Variants in ULK4 observed in about 807,000 individuals in gnomAD.
ULK4 encodes the protein unc-51 like kinase 4.
ULK4 carries 133 observed loss-of-function variants against 160.6 expected under a neutral mutation model. That is an observed-to-expected ratio of 0.83 (90% CI 0.72 to 0.96). The LOEUF is 0.96. ULK4 is among the 40% of genes least tolerant of loss of function. The pLI is 0.00. For synonymous variants in ULK4, 534 were observed against 539.8 expected (o/e 0.99, Z 0.15); for missense variants, 1,580 against 1,499.5 (o/e 1.05, Z -0.89).
intron 32 of ULK4, among the ~76,000 whole-genome samples, chr3:41,465,316 C>T (rs1227169718): frequency 1.3e-5 from 2 of 152,158 alleles, no homozygotes; most frequent in South Asian, 4.1e-4. Context: ...TCTATTTTAC[C>T]TGTCTTTTGA....
intron 20 of ULK4, 99 bp downstream of exon 20, chr3:41,800,033 C>G: frequency 8.6e-7 from 1 of 1,156,646 alleles, no homozygotes; most frequent in Non-Finnish European, 1.2e-6. Context: ...ATTTCAGTTT[C>G]CTATCTATTA....
chr3:41,364,956 G>A (rs1407156479), intron 35 of ULK4, among the ~76,000 whole-genome samples: 1 of 152,174 alleles, frequency 6.6e-6, no homozygotes, highest in Non-Finnish European at 1.5e-5. Flanking sequence ...GATTCTGCAG[G>A]CAAGGGGTGG....
Position 41,690,799 on chromosome 3 carries a change from T to C in ULK4, c.2782-8995A>G, listed in dbSNP as rs567451359. Reference sequence around the variant, plus strand: ...ATGTTTCCAGGTAACTGCTTTTCTGTCTTCAACCAGACCACCTTTCCAGGA... The same window carrying C: ...ATGTTTCCAGGTAACTGCTTTTCTGCCTTCAACCAGACCACCTTTCCAGGA... On this transcript the variant is annotated intron_variant, in intron 27 of 36. Transcript: ENST00000301831. Among the ~76,000 whole-genome samples the C allele has an allele frequency of 3.9e-5, 6 of 151,962 alleles. No individual in the cohort carries two copies. The South Asian group carries it at 1.2e-3, about 32-fold the overall frequency.
chr3:41,715,449 G>A lies in ULK4; in HGVS notation c.2575C>T (p.Gln859Ter). The A allele has an allele frequency of 6.2e-7, 1 of 1,614,156 alleles. No individual in the cohort carries two copies. The highest frequency in any genetic ancestry group is 1.1e-5 in the South Asian group (1 of 91,080). The change falls in exon 24 of 37, where the codon CAG (glutamine) becomes TAG (stop). Residue 859 changes from glutamine (Q) to a stop codon, truncating the protein, a stop_gained and splice_region_variant. Coordinates refer to ENST00000301831, the MANE Select transcript of ULK4 (RefSeq NM_017886.4). LOFTEE classifies it high-confidence loss of function. ...TTTCCTCCTCAATACAATAGTACCT[G>A]TGAAGTTACGAGGTGAAGCACTACA... ...MPVVLHLVTS[Q>*]VFRPQVVTEE...
chr3:41,527,627 TA>T (rs2086165744), intron 32 of ULK4, among the ~76,000 whole-genome samples: 1 of 152,230 alleles, frequency 6.6e-6, no homozygotes, highest in Non-Finnish European at 1.5e-5. Context: ...CCTAATTCTT[TA>T]ATACTAAACA....
intron 35 of ULK4, chr3:41,277,690 G>C (rs2079253279): frequency 6.6e-6 from 1 of 152,172 alleles, no homozygotes; most frequent in African/African-American, 2.4e-5. Flanking sequence ...ACTGGAACAA[G>C]ACAAGGAGGC....
chr3:41,875,134 G>A (rs912727285), intron 17 of ULK4, among the ~76,000 whole-genome samples: 5 of 152,284 alleles, frequency 3.3e-5, no homozygotes, highest in African/African-American at 4.8e-5. Flanking sequence ...AGCCATGATC[G>A]TGCTACTGCA....
intron 2 of ULK4, among the ~76,000 whole-genome samples, chr3:41,940,237 C>G (rs533862608): frequency 1.6e-4 from 24 of 152,212 alleles, no homozygotes; most frequent in African/African-American, 5.5e-4. Flanking sequence ...CTCCAGAGGT[C>G]TGTTTTCCCA....
chr3:41,641,394 C>T (rs1178541747), intron 30 of ULK4, among the ~76,000 whole-genome samples: 1 of 152,122 alleles, frequency 6.6e-6, no homozygotes, highest in African/African-American at 2.4e-5. Context: ...GAATAGTTTG[C>T]TTCAAGAAAC....
At chr3:41,668,444 C>T (rs2035422528) in intron 29 of ULK4, among the ~76,000 whole-genome samples, 1 of 152,136 alleles carries the variant, frequency 6.6e-6, no homozygotes, top group South Asian at 2.1e-4. Flanking sequence ...TAAAATCTTA[C>T]CATTGTGTTA....
chr3:41,632,577 C>T (rs1200465091), intron 30 of ULK4, among the ~76,000 whole-genome samples: 1 of 152,032 alleles, frequency 6.6e-6, no homozygotes, highest in African/African-American at 2.4e-5. Context: ...TATAAAGGTA[C>T]AGAAGAGACA....
intron 11 of ULK4, among the ~76,000 whole-genome samples, chr3:41,908,202 G>A (rs1163860194): frequency 6.6e-6 from 1 of 152,014 alleles, no homozygotes; most frequent in African/African-American, 2.4e-5. Flanking sequence ...TTTTATAAAT[G>A]TCTTCTGGTA....
intron 32 of ULK4, among the ~76,000 whole-genome samples, chr3:41,560,027 C>G (rs2087505221): frequency 6.6e-6 from 1 of 152,140 alleles, no homozygotes; most frequent in South Asian, 2.1e-4. Flanking sequence ...TTTAATCCAT[C>G]TTGAATTAAT....
At chr3:41,358,407 G>T (rs146151519) in intron 35 of ULK4, among the ~76,000 whole-genome samples, 135 of 152,298 alleles carry the variant, frequency 8.9e-4, no homozygotes, top group Non-Finnish European at 1.4e-3. Context: ...AGAAAAGACA[G>T]TAAGTGTAAA....
chr3:41,387,751 A>G (rs376316721), intron 35 of ULK4, among the ~76,000 whole-genome samples: 3 of 152,052 alleles, frequency 2.0e-5, no homozygotes, highest in East Asian at 3.9e-4. Flanking sequence ...TATGTGCCAC[A>G]TTTTCTTAAT....
chr3:41,639,403 A>G (rs910339337), intron 30 of ULK4, among the ~76,000 whole-genome samples: 1 of 152,212 alleles, frequency 6.6e-6, no homozygotes, highest in East Asian at 1.9e-4. Context: ...AGACAAAAAG[A>G]AAAGTTGTAA....
At chr3:41,826,574 A>C (rs930894567) in intron 18 of ULK4, among the ~76,000 whole-genome samples, 6 of 147,430 alleles carry the variant, frequency 4.1e-5, no homozygotes, top group African/African-American at 1.6e-4. Flanking sequence ...GCCATTATAT[A>C]CTGGTAAAGG....
rs1013470932 is a variant in ULK4 at position 41,954,676 on chromosome 3, A to G, written c.84T>C (p.Asn28=). The change falls in exon 2 of 37, where the codon AAT becomes AAC. Residue 28 remains asparagine (N), a synonymous_variant. Transcript: ENST00000301831. Reference sequence around the variant, plus strand: ...TATCAGTACAAAGAATGGCTACAAAATTGATTGTTCCCTTCCGTCGCCCTT... The same window carrying G: ...TATCAGTACAAAGAATGGCTACAAAGTTGATTGTTCCCTTCCGTCGCCCTT... ...VYKGRRKGTI[N]FVAILCTDKC... The G allele has an allele frequency of 6.2e-7, 1 of 1,613,934 alleles. No homozygotes were observed. Among genetic ancestry groups the G allele is most frequent in the African/African-American group, 1.3e-5 (1 of 74,928 alleles).
intron 18 of ULK4, among the ~76,000 whole-genome samples, chr3:41,831,255 G>C (rs1392085562): frequency 6.6e-6 from 1 of 151,644 alleles, no homozygotes; most frequent in African/African-American, 2.4e-5. Flanking sequence ...CAAACTCCAG[G>C]GCTCAAGAGA....
Sources: gnomAD v4.1 joint callset for allele counts (sites outside exome capture counted in the v4.1 genomes callset) on GRCh38, gnomAD v4.1.1 for gene constraint, MANE v1.5 for transcripts, NCBI Gene and HGNC (gene_info 2026-07-23, HGNC 2026-07-21) for gene names.